The following EML6 variants were observed in gnomAD, a reference collection of about 807,000 sequenced individuals.
EML6 encodes EMAP like 6.
Under a neutral mutation model 240.1 loss-of-function variants are expected in EML6, and 154 were observed. That is an observed-to-expected ratio of 0.64 (90% CI 0.56 to 0.73). EML6 has a LOEUF of 0.73. Among genes scored for constraint, EML6 ranks in the 30% least tolerant of loss-of-function variants. The pLI, the probability that EML6 is intolerant of heterozygous loss-of-function variation, is 0.00. For synonymous variants in EML6, 1,148 were observed against 899.0 expected (o/e 1.28, Z -4.95); for missense variants, 2,964 against 2,474.6 (o/e 1.20, Z -4.20).
chr2:54,806,705 T>A (rs942591188), intron 2 of EML6, among the ~76,000 whole-genome samples: 1 of 149,628 alleles, frequency 6.7e-6, no homozygotes, highest in Admixed American at 6.7e-5. Flanking sequence ...TGGTGGTTAA[T>A]TAATAACAAT....
intron 8 of EML6, among the ~76,000 whole-genome samples, chr2:54,846,916 A>C (rs1233489055): frequency 9.1e-6 from 1 of 109,312 alleles, no homozygotes; most frequent in Admixed American, 1.1e-4. Context: ...ATTTTGTATG[A>C]AGTAGTATTT....
intron 17 of EML6, chr2:54,881,358 C>CA (rs1671797156): frequency 6.6e-6 from 1 of 151,886 alleles, no homozygotes; most frequent in Non-Finnish European, 1.5e-5. Flanking sequence ...TAGATAGAAA[C>CA]TTTTAAAAAC....
At chr2:54,878,015 A>G (rs1005775604) in intron 16 of EML6, among the ~76,000 whole-genome samples, 1 of 152,234 alleles carries the variant, frequency 6.6e-6, no homozygotes, top group Non-Finnish European at 1.5e-5. Context: ...GATTAAGCCA[A>G]CAAAATTTTA....
At chr2:54,854,239 C>A (rs12713280) in intron 11 of EML6, among the ~76,000 whole-genome samples, 1 of 151,964 alleles carries the variant, frequency 6.6e-6, no homozygotes, top group Non-Finnish European at 1.5e-5. Context: ...CAAAGGAAAT[C>A]CTTTCAGACA....
At chr2:54,968,409 C>A in intron 40 of EML6, 128 bp downstream of exon 40, 1 of 941,130 alleles carries the variant, frequency 1.1e-6, no homozygotes, top group Non-Finnish European at 1.6e-6. Flanking sequence ...GGAAATATGG[C>A]AATGAGTTTT....
chr2:54,842,429 A>T (rs1022226765), intron 7 of EML6, among the ~76,000 whole-genome samples: 1 of 152,216 alleles, frequency 6.6e-6, no homozygotes, highest in African/African-American at 2.4e-5. Context: ...AATTGGAATG[A>T]CAGATTACTT....
intron 26 of EML6, 74 bp downstream of exon 26, chr2:54,917,009 T>C: frequency 8.2e-7 from 1 of 1,218,624 alleles, no homozygotes; most frequent in Non-Finnish European, 1.1e-6. Context: ...TAAGTGCATT[T>C]TTAAAAATTT....
chr2:54,926,372 G>A (rs1188147704), intron 26 of EML6, among the ~76,000 whole-genome samples: 1 of 152,234 alleles, frequency 6.6e-6, no homozygotes, highest in East Asian at 1.9e-4. Context: ...AAAGTGCTGG[G>A]ATTACAGGCA....
chr2:54,812,116 T>C (rs958164107), intron 2 of EML6, among the ~76,000 whole-genome samples: 2 of 152,206 alleles, frequency 1.3e-5, no homozygotes, highest in African/African-American at 2.4e-5. Context: ...TTGTATTCAG[T>C]GTTCGCTCTG....
At chr2:54,741,909 A>G (rs938740282) in intron 2 of EML6, among the ~76,000 whole-genome samples, 1 of 152,246 alleles carries the variant, frequency 6.6e-6, no homozygotes, top group Non-Finnish European at 1.5e-5. Context: ...AATGGATGCT[A>G]TAACTAGTGA....
intron 7 of EML6, among the ~76,000 whole-genome samples, chr2:54,837,795 A>C (rs974890786): frequency 4.6e-5 from 7 of 152,214 alleles, no homozygotes; most frequent in Admixed American, 4.6e-4. Flanking sequence ...GTCCAGACCA[A>C]CTGGGAGGAA....
At chr2:54,842,745 T>C (rs1395560971) in intron 7 of EML6, among the ~76,000 whole-genome samples, 1 of 152,012 alleles carries the variant, frequency 6.6e-6, no homozygotes, top group Non-Finnish European at 1.5e-5. Flanking sequence ...CTGCAAAAAA[T>C]CCAAGATACT....
intron 16 of EML6, among the ~76,000 whole-genome samples, chr2:54,872,874 C>G (rs1449988588): frequency 6.6e-6 from 1 of 152,168 alleles, no homozygotes; most frequent in Non-Finnish European, 1.5e-5. Context: ...CATCCCTTAG[C>G]CCTTTGTTGT....
chr2:54,966,693 C>T (rs891947368), intron 38 of EML6: 7 of 180,654 alleles, frequency 3.9e-5, no homozygotes, highest in Admixed American at 1.2e-4. Flanking sequence ...GGGTGGGGCC[C>T]AAAAATTTGC....
chr2:54,874,669 C>T (rs1443560864), intron 16 of EML6, among the ~76,000 whole-genome samples: 1 of 152,132 alleles, frequency 6.6e-6, no homozygotes, highest in African/African-American at 2.4e-5. Context: ...TGATTCATTA[C>T]CATAAATGGT....
intron 7 of EML6, among the ~76,000 whole-genome samples, chr2:54,841,745 A>T (rs1444311254): frequency 6.6e-6 from 1 of 151,832 alleles, no homozygotes; most frequent in Non-Finnish European, 1.5e-5. Context: ...GGTGCGTGCT[A>T]CCATGTCCAG....
At chr2:54,936,536 A>G (rs537864163) in intron 28 of EML6, among the ~76,000 whole-genome samples, 9 of 152,344 alleles carry the variant, frequency 5.9e-5, no homozygotes, top group African/African-American at 2.2e-4. Flanking sequence ...GGAGAATTAA[A>G]CTATTACAGA....
chr2:54,935,702 G>A (rs986286285), intron 28 of EML6, among the ~76,000 whole-genome samples: 3 of 152,100 alleles, frequency 2.0e-5, no homozygotes, highest in African/African-American at 2.4e-5. Context: ...TTTGTTATTC[G>A]CATATATCTT....
At chr2:54,750,597 T>C (rs1176539043) in intron 2 of EML6, among the ~76,000 whole-genome samples, 1 of 152,188 alleles carries the variant, frequency 6.6e-6, no homozygotes, top group Non-Finnish European at 1.5e-5. Context: ...CTCCATCTCT[T>C]GGCTGTGTTT....
Sources: allele counts gnomAD v4.1 joint callset (sites outside exome capture counted in the v4.1 genomes callset), GRCh38; gene constraint gnomAD v4.1.1; transcripts MANE v1.5; gene names NCBI Gene and HGNC (gene_info 2026-07-23, HGNC 2026-07-21).